Variants in LEPR observed in about 807,000 individuals in gnomAD.
The protein encoded by LEPR is leptin receptor.
Under a neutral mutation model 114.7 loss-of-function variants are expected in LEPR, and 56 were observed. That is an observed-to-expected ratio of 0.49 (90% CI 0.39 to 0.61). The LOEUF is 0.61. Among genes scored for constraint, LEPR ranks in the 20% least tolerant of loss-of-function variants. The pLI is 0.00. For synonymous variants in LEPR, 443 were observed against 461.4 expected (o/e 0.96, Z 0.51); for missense variants, 1,202 against 1,352.9 (o/e 0.89, Z 1.75).
Position 65,432,823 on chromosome 1 carries a change from A to T in LEPR, c.-21+7445A>T, listed in dbSNP as rs532661415. 8.3e-4 allele frequency: 509 copies of T among 615,730 alleles called. 1 individual carries two copies. The African/African-American group carries it at 9.4e-3, about 11-fold the overall frequency. 38.1% of individuals were successfully genotyped at this position (615,730 alleles called of 1,614,324 possible). ...AGAGTAAATTTCTAATGTTCTCATA[A>T]AAAAGTTAAATATTTGAGATCATAT... On this transcript the variant is annotated intron_variant, in intron 2 of 19. Coordinates refer to ENST00000349533, the MANE Select transcript of LEPR (RefSeq NM_002303.6).
intron 19 of LEPR, among the ~76,000 whole-genome samples, chr1:65,629,973 C>T (rs1052399190): frequency 2.6e-5 from 4 of 152,116 alleles, no homozygotes; most frequent in African/African-American, 9.7e-5. Flanking sequence ...TAAGTAACCT[C>T]CTAAGAAGTA....
intron 2 of LEPR, among the ~76,000 whole-genome samples, chr1:65,487,919 T>A (rs961915616): frequency 6.6e-6 from 1 of 151,676 alleles, no homozygotes; most frequent in African/African-American, 2.4e-5. Flanking sequence ...TTTTTCGTCT[T>A]TCTTTTCTGT....
chr1:65,454,734 C>T (rs1325484381), intron 2 of LEPR, among the ~76,000 whole-genome samples: 1 of 152,070 alleles, frequency 6.6e-6, no homozygotes, highest in Admixed American at 6.5e-5. Context: ...TTCATTTCAA[C>T]TTTGGTGAAT....
chr1:65,480,612 C>A lies in LEPR; in HGVS notation c.-21+55234C>A, dbSNP rs1480802131. On this transcript the variant is annotated intron_variant, in intron 2 of 19. Transcript: ENST00000349533. ...CAAAATTTACTGGAAGTCGCTAAGGCAGAGGAAATTTATAGGTTTGAGTAG... is the reference window on the plus strand; with the variant it reads ...CAAAATTTACTGGAAGTCGCTAAGGAAGAGGAAATTTATAGGTTTGAGTAG... Among the ~76,000 whole-genome samples the A allele has an allele frequency of 5.9e-5, 9 of 152,158 alleles. No individual in the cohort carries two copies. The South Asian group carries it at 1.2e-3, about 21-fold the overall frequency.
At chr1:65,586,530 A>G (rs1330835669) in intron 5 of LEPR, among the ~76,000 whole-genome samples, 1 of 135,906 alleles carries the variant, frequency 7.4e-6, no homozygotes, top group East Asian at 1.9e-4. Flanking sequence ...TGCTTGCAGA[A>G]AAACAATTAT....
At chr1:65,509,090 A>T (rs1648899867) in intron 2 of LEPR, among the ~76,000 whole-genome samples, 2 of 152,188 alleles carry the variant, frequency 1.3e-5, no homozygotes, top group Non-Finnish European at 1.5e-5. Flanking sequence ...TTTTTTGGTT[A>T]GGTCTTCAGG....
At chr1:65,634,816 AG>A in intron 19 of LEPR, 1 of 898,632 alleles carries the variant, frequency 1.1e-6, no homozygotes, top group Non-Finnish European at 1.3e-6. Context: ...AGAAGCCTTA[AG>A]AAAAAAGAAA....
chr1:65,570,428 C>G, intron 3 of LEPR, 45 bp from the exon 4 acceptor site: 1 of 1,578,480 alleles, frequency 6.3e-7, no homozygotes, highest in Non-Finnish European at 8.7e-7. Context: ...ATGTCTTAGT[C>G]AAAATGATTA....
intron 2 of LEPR, among the ~76,000 whole-genome samples, chr1:65,459,189 C>G (rs1225194051): frequency 1.3e-5 from 2 of 152,162 alleles, no homozygotes; most frequent in Non-Finnish European, 2.9e-5. Context: ...ACTCAGCACC[C>G]TTGGATGATG....
At chr1:65,459,087 G>T (rs959669252) in intron 2 of LEPR, among the ~76,000 whole-genome samples, 4 of 152,198 alleles carry the variant, frequency 2.6e-5, no homozygotes, top group African/African-American at 9.7e-5. Flanking sequence ...TAAGAGCTCT[G>T]CATGTATTCC....
chr1:65,427,483 C>G (rs182746298), intron 2 of LEPR, among the ~76,000 whole-genome samples: 89 of 152,188 alleles, frequency 5.8e-4, no homozygotes, highest in South Asian at 1.9e-3. Context: ...TGGTTGAGCC[C>G]AGGGGTTGGA....
At chr1:65,550,296 G>A (rs887007172) in intron 2 of LEPR, among the ~76,000 whole-genome samples, 15 of 152,156 alleles carry the variant, frequency 9.9e-5, no homozygotes, top group South Asian at 4.1e-4. Flanking sequence ...CAGTCTGCCC[G>A]TTCTCAGGTC....
intron 19 of LEPR, chr1:65,635,171 C>A: frequency 1.0e-6 from 1 of 954,716 alleles, no homozygotes; most frequent in Non-Finnish European, 1.2e-6. Context: ...AATCTGAATT[C>A]TATTAGTTTA....
intron 2 of LEPR, among the ~76,000 whole-genome samples, chr1:65,530,770 A>G (rs1247741012): frequency 6.6e-6 from 1 of 152,002 alleles, no homozygotes; most frequent in African/African-American, 2.4e-5. Context: ...GTGACTTAGA[A>G]TGTCTTAACT....
chr1:65,621,502 C>G (rs375480072), intron 18 of LEPR, 44 bp downstream of exon 18: 2 of 1,524,922 alleles, frequency 1.3e-6, no homozygotes, highest in African/African-American at 1.4e-5. Context: ...AAAGTCCTTA[C>G]GCGTATTCAA....
At chr1:65,424,858 G>C (rs1158477051) in intron 1 of LEPR, among the ~76,000 whole-genome samples, 1 of 152,102 alleles carries the variant, frequency 6.6e-6, no homozygotes, top group African/African-American at 2.4e-5. Flanking sequence ...GACCTCATCT[G>C]AACCTAATTA....
At chr1:65,454,981 T>G (rs1224711904) in intron 2 of LEPR, among the ~76,000 whole-genome samples, 1 of 152,184 alleles carries the variant, frequency 6.6e-6, no homozygotes, top group Middle Eastern at 3.2e-3. Context: ...TTTGCTCGTT[T>G]CTTTTTATTC....
In LEPR at chr1:65,635,208, C is replaced by T. The variant is rs1269570722; in HGVS notation, c.2674-983C>T. 2.2e-5 allele frequency: 21 copies of T among 961,352 alleles called. 1 individual carries two copies. Among genetic ancestry groups the T allele is most frequent in the Admixed American group, 1.2e-4 (2 of 16,190 alleles). The allele number at this position is 961,352 out of a possible 1,614,324, so 59.6% of individuals were successfully genotyped here. Reference sequence around the variant, plus strand: ...AAATTGTAAAATTCAAGTTAAATGACGTGTATGATATATAAGCTGAACACA... The same window carrying T: ...AAATTGTAAAATTCAAGTTAAATGATGTGTATGATATATAAGCTGAACACA... On this transcript the variant is annotated intron_variant, in intron 19 of 19. Coordinates refer to ENST00000349533, the MANE Select transcript of LEPR (RefSeq NM_002303.6).
intron 2 of LEPR, among the ~76,000 whole-genome samples, chr1:65,564,862 A>G (rs773735500): frequency 7.2e-5 from 11 of 152,186 alleles, no homozygotes; most frequent in African/African-American, 2.7e-4. Flanking sequence ...TACTATTTGG[A>G]TTTATGACAT....
Sources: gnomAD v4.1 joint callset for allele counts (sites outside exome capture counted in the v4.1 genomes callset) on GRCh38, gnomAD v4.1.1 for gene constraint, MANE v1.5 for transcripts, NCBI Gene and HGNC (gene_info 2026-07-23, HGNC 2026-07-21) for gene names.